The following FBXO31 variants were observed in gnomAD, a reference collection of about 807,000 sequenced individuals.
FBXO31 encodes F-box only protein 31.
FBXO31 carries 24 observed loss-of-function variants against 54.4 expected under a neutral mutation model. That is an observed-to-expected ratio of 0.44 (90% CI 0.32 to 0.62). FBXO31 has a LOEUF of 0.62. FBXO31 is among the 20% of genes least tolerant of loss of function. FBXO31 has a pLI of 0.05. For missense variants in FBXO31, 665 were observed against 787.1 expected (o/e 0.84, Z 1.86); for synonymous variants, 388 against 335.6 (o/e 1.16, Z -1.71).
chr16:87,358,818 G>C lies in FBXO31; in HGVS notation c.412+1477C>G, dbSNP rs1466388137. Among the ~76,000 whole-genome samples, 2 of 152,146 alleles carry C rather than the reference G, an allele frequency of 1.3e-5. No homozygotes were observed. The highest frequency in any genetic ancestry group is 3.8e-4 in the East Asian group (2 of 5,198). On this transcript the variant is annotated intron_variant, in intron 2 of 8. Transcript: ENST00000311635. The surrounding 1 kb of genome is among the most constrained non-coding windows in gnomAD (Gnocchi z 4.0). ...CAGGCCACAGCTCACTGGGGCTCAG[G>C]AGGTGGGAGGGCAGGTGTCCTGGCA...
At chr16:87,341,792 A>G (rs1905204346) in intron 5 of FBXO31, among the ~76,000 whole-genome samples, 1 of 152,288 alleles carries the variant, frequency 6.6e-6, no homozygotes, top group Admixed American at 6.5e-5. Flanking sequence ...CATGCCATCT[A>G]TTCAAGAAAA....
chr16:87,361,955 C>T (rs140256814), intron 1 of FBXO31, among the ~76,000 whole-genome samples: 27 of 152,282 alleles, frequency 1.8e-4, no homozygotes, highest in African/African-American at 6.3e-4. Flanking sequence ...AGCGGGAGGA[C>T]CTGGGAAACT....
rs1279288136 is a variant in FBXO31, at chr16:87,383,358, G to C, written c.340+47C>G. 1.4e-6 allele frequency: 2 copies of C among 1,438,858 alleles called. No homozygotes were observed. The highest frequency in any genetic ancestry group is 4.2e-5 in the Admixed American group (2 of 47,642). 89.1% of individuals were successfully genotyped at this position (1,438,858 alleles called of 1,614,324 possible). ...CTCCCAGCTCCGAGGCCTCCACCTG[G>C]CAGGGACCCCCCGCCCCTCCCGGCC... On this transcript the variant is annotated intron_variant, in intron 1 of 8. Transcript: ENST00000311635. The surrounding 1 kb of genome is among the most constrained non-coding windows in gnomAD (Gnocchi z 4.9).
intron 1 of FBXO31, among the ~76,000 whole-genome samples, chr16:87,376,043 A>G (rs1011119065): frequency 2.0e-5 from 3 of 152,262 alleles, no homozygotes; most frequent in African/African-American, 7.2e-5. Context: ...CAAACATATT[A>G]TAAATAACCA....
rs2150665611 is a variant in FBXO31, at chr16:87,330,235, G to C, written c.*1053C>G. The C allele has an allele frequency of 6.6e-6, 1 of 152,424 alleles. No individual in the cohort carries two copies. The highest frequency in any genetic ancestry group is 2.1e-4 in the South Asian group (1 of 4,828). 9.4% of individuals were successfully genotyped at this position (152,424 alleles called of 1,614,324 possible). On this transcript the variant is annotated 3_prime_UTR_variant, in exon 9 of 9. Coordinates refer to ENST00000311635, the MANE Select transcript of FBXO31 (RefSeq NM_024735.5). Reference sequence around the variant, plus strand: ...GGGGCACACAGCAGTGGAGGCATCAGTCCATGGGGTCTCCAGGCTGGAGGG... The same window carrying C: ...GGGGCACACAGCAGTGGAGGCATCACTCCATGGGGTCTCCAGGCTGGAGGG...
At chr16:87,374,764 G>C (rs1160143460) in intron 1 of FBXO31, among the ~76,000 whole-genome samples, 1 of 152,210 alleles carries the variant, frequency 6.6e-6, no homozygotes, top group Admixed American at 6.5e-5. Flanking sequence ...GGAGGAGTAC[G>C]CGCCTGAGTC....
chr16:87,360,311 C>T lies in FBXO31; in HGVS notation c.396G>A (p.Arg132=). 1.2e-6 allele frequency: 2 copies of T among 1,614,166 alleles called. No homozygotes were observed. Among genetic ancestry groups the T allele is most frequent in the Non-Finnish European group, 8.5e-7 (1 of 1,180,004 alleles). ...TTCACTCACGCTTCGCATAGACGTCCCGACAAGACACGCCTGTGATCTCCA... is the reference window on the plus strand; with the variant it reads ...TTCACTCACGCTTCGCATAGACGTCTCGACAAGACACGCCTGTGATCTCCA... ...RKLEITGVSC[R]DVYAKLLHRY... The change falls in exon 2 of 9, where the codon CGG becomes CGA. Residue 132 remains arginine (R), a synonymous_variant. Transcript: ENST00000311635.
intron 5 of FBXO31, among the ~76,000 whole-genome samples, chr16:87,341,343 T>C (rs1254830996): frequency 6.6e-6 from 1 of 152,146 alleles, no homozygotes; most frequent in Non-Finnish European, 1.5e-5. Context: ...GAAAAATCTG[T>C]TGACATTTTT....
At chr16:87,360,764 G>C (rs1024363902) in intron 1 of FBXO31, among the ~76,000 whole-genome samples, 1 of 152,230 alleles carries the variant, frequency 6.6e-6, no homozygotes, top group Non-Finnish European at 1.5e-5. Context: ...GACAGTGCCA[G>C]AGGCCAGTCC....
intron 5 of FBXO31, among the ~76,000 whole-genome samples, chr16:87,340,266 G>T (rs896110526): frequency 2.6e-5 from 4 of 152,226 alleles, no homozygotes; most frequent in African/African-American, 7.2e-5. Flanking sequence ...CAGTGTGGGG[G>T]ACAGGGCGAG....
chr16:87,340,057 C>A (rs977702520), intron 5 of FBXO31, among the ~76,000 whole-genome samples: 1 of 152,030 alleles, frequency 6.6e-6, no homozygotes, highest in Non-Finnish European at 1.5e-5. Context: ...CCGAGGTGGG[C>A]GGATCACCTG....
chr16:87,375,520 A>G (rs1003853357), intron 1 of FBXO31, among the ~76,000 whole-genome samples: 7 of 152,092 alleles, frequency 4.6e-5, no homozygotes, highest in Non-Finnish European at 8.8e-5. Context: ...AAATAAATGA[A>G]CAGTGCCAAA....
intron 2 of FBXO31, among the ~76,000 whole-genome samples, 181 bp downstream of exon 2, chr16:87,360,114 C>T (rs1350305831): frequency 6.6e-6 from 1 of 152,192 alleles, no homozygotes; most frequent in Non-Finnish European, 1.5e-5. Context: ...TGGGAGAATA[C>T]GGTGTCCCCT....
rs531618045 is a variant in FBXO31 at position 87,336,736 on chromosome 16, G to T, written c.733-472C>A. Among the ~76,000 whole-genome samples, 2 of 152,270 alleles carry T rather than the reference G, an allele frequency of 1.3e-5. No homozygotes were observed. Among genetic ancestry groups the T allele is most frequent in the African/African-American group, 4.8e-5 (2 of 41,544 alleles). ...TGAGCCGTGCGAGTCAGCCAAGGAC[G>T]ATGCACTGAGCCCTCGGCCAGTGAC... On this transcript the variant is annotated intron_variant, in intron 5 of 8. Transcript: ENST00000311635. This position sits in a 1 kb window ranked among gnomAD's most constrained non-coding sequence, Gnocchi z 6.5.
chr16:87,390,304 CAGT>C (rs1418038585), upstream of FBXO31, among the ~76,000 whole-genome samples: 6 of 152,058 alleles, frequency 3.9e-5, no homozygotes, highest in Admixed American at 2.6e-4. Flanking sequence ...ATAAAATAAA[CAGT>C]GGTGTAATAA....
At chr16:87,381,344 A>G (rs1463217479) in intron 1 of FBXO31, among the ~76,000 whole-genome samples, 2 of 152,268 alleles carry the variant, frequency 1.3e-5, no homozygotes, top group African/African-American at 4.8e-5. Context: ...CAATAAAAAT[A>G]GCCAAGAATC....
At chr16:87,386,573 A>G (rs978962721), upstream of FBXO31, among the ~76,000 whole-genome samples, 3 of 152,214 alleles carry the variant, frequency 2.0e-5, no homozygotes, top group East Asian at 1.9e-4. Flanking sequence ...AGCTGGGATT[A>G]CAGGCGAGTG....
At chr16:87,352,160 G>A (rs1216174360) in intron 2 of FBXO31, among the ~76,000 whole-genome samples, 1 of 152,208 alleles carries the variant, frequency 6.6e-6, no homozygotes, top group Middle Eastern at 3.4e-3. Context: ...ATCACACTGT[G>A]CCCCATAAAG....
chr16:87,363,173 T>C (rs868613273), intron 1 of FBXO31, among the ~76,000 whole-genome samples: 1 of 152,224 alleles, frequency 6.6e-6, no homozygotes, highest in African/African-American at 2.4e-5. Flanking sequence ...TCACCTGAGG[T>C]TGGGAGTTCG....
Sources: allele counts gnomAD v4.1 joint callset (sites outside exome capture counted in the v4.1 genomes callset), GRCh38; gene constraint gnomAD v4.1.1; non-coding constraint Gnocchi (gnomAD v3.1); transcripts MANE v1.5; gene names NCBI Gene and HGNC (gene_info 2026-07-23, HGNC 2026-07-21).